Variants in FOXP1 observed in about 807,000 individuals in gnomAD.
FOXP1 encodes forkhead box protein P1.
In FOXP1, 15 loss-of-function variants were observed where a neutral mutation model predicts 98.2. The ratio of observed to expected loss-of-function variants is 0.15; its 90% confidence interval spans 0.10 to 0.24. FOXP1 has a LOEUF of 0.24. Ranked by LOEUF, FOXP1 falls within the 10% of genes least tolerant of loss-of-function variation. The probability of loss-of-function intolerance (pLI) is 1.00; values close to 1 mark genes in which losing one functional copy is unlikely to be tolerated. For missense variants in FOXP1, 633 were observed against 848.5 expected (o/e 0.75, Z 3.15); for synonymous variants, 371 against 314.5 (o/e 1.18, Z -1.90).
At chr3:71,276,679 A>G (rs1208081587) in intron 5 of FOXP1, among the ~76,000 whole-genome samples, 1 of 152,204 alleles carries the variant, frequency 6.6e-6, no homozygotes, top group Non-Finnish European at 1.5e-5. Flanking sequence ...GTGTTTCAGT[A>G]CACATAATGC....
chr3:71,027,099 A>C (rs574026455), intron 11 of FOXP1, among the ~76,000 whole-genome samples: 1 of 152,346 alleles, frequency 6.6e-6, no homozygotes, highest in South Asian at 2.1e-4. Flanking sequence ...CAACTGTGTC[A>C]ATACAGACAT....
chr3:71,381,311 C>T (rs778220570), intron 3 of FOXP1, among the ~76,000 whole-genome samples: 31 of 151,968 alleles, frequency 2.0e-4, no homozygotes, highest in Non-Finnish European at 4.1e-4. Context: ...CCACCGCGCC[C>T]GGCTAATTTT....
intron 6 of FOXP1, among the ~76,000 whole-genome samples, chr3:71,142,502 C>T (rs1477611740): frequency 6.6e-6 from 1 of 152,180 alleles, no homozygotes; most frequent in African/African-American, 2.4e-5. Flanking sequence ...TTCTGAAGCA[C>T]AAGAAAGACT....
chr3:71,231,449 A>T (rs545842553), intron 5 of FOXP1, among the ~76,000 whole-genome samples: 1 of 152,314 alleles, frequency 6.6e-6, no homozygotes, highest in African/African-American at 2.4e-5. Context: ...AAAAAAAAAT[A>T]GGAGAGATTT....
rs572434105 is a variant in FOXP1, at chr3:70,987,895, C to T, written c.1146+99G>A. ...AGGCCCTCAAAACTCAAAGCTCCAC[C>T]AAAGTAGGCTGGTCCTCCTTCCTCC... is the stretch of plus-strand genomic sequence containing the variant. On this transcript the variant is annotated intron_variant, in intron 14 of 20. Coordinates refer to ENST00000649528, the MANE Select transcript of FOXP1 (RefSeq NM_001349338.3). The T allele has an allele frequency of 3.0e-5, 33 of 1,091,440 alleles. No homozygotes were observed. The South Asian group carries it at 4.3e-4, about 14-fold the overall frequency. The allele number at this position is 1,091,440 out of a possible 1,614,324, so 67.6% of individuals were successfully genotyped here. A position where few individuals can be genotyped will look rare whatever the true frequency, so the allele number is the denominator to read the frequency against.
intron 3 of FOXP1, among the ~76,000 whole-genome samples, chr3:71,488,856 T>G (rs551367210): frequency 1.3e-5 from 2 of 152,368 alleles, no homozygotes; most frequent in Admixed American, 1.3e-4. Flanking sequence ...AGGTTCATTG[T>G]GTTATGAAAG....
chr3:70,978,116 T>C, intron 14 of FOXP1, 87 bp from the exon 15 acceptor site: 1 of 1,072,398 alleles, frequency 9.3e-7, no homozygotes, highest in Non-Finnish European at 1.4e-6. Context: ...ACACAGAGGA[T>C]GCGTGGGCAC....
intron 4 of FOXP1, among the ~76,000 whole-genome samples, chr3:71,344,686 A>G (rs2077217020): frequency 2.6e-5 from 4 of 152,096 alleles, no homozygotes; most frequent in Admixed American, 2.6e-4. Context: ...AAAATACAAA[A>G]AAATTAGCCA....
intron 4 of FOXP1, among the ~76,000 whole-genome samples, chr3:71,317,419 C>G (rs1428640810): frequency 1.3e-5 from 2 of 151,406 alleles, no homozygotes; most frequent in African/African-American, 4.9e-5. Flanking sequence ...GCTCTGGAGA[C>G]AAAGACGTTT....
intron 3 of FOXP1, among the ~76,000 whole-genome samples, chr3:71,361,393 CA>C (rs1455893328): frequency 6.6e-6 from 1 of 152,178 alleles, no homozygotes; most frequent in Non-Finnish European, 1.5e-5. Flanking sequence ...GTGGACTCCT[CA>C]AGGAACAGTC....
At chr3:71,335,833 C>G (rs1474673322) in intron 4 of FOXP1, among the ~76,000 whole-genome samples, 5 of 151,628 alleles carry the variant, frequency 3.3e-5, no homozygotes, top group African/African-American at 1.2e-4. Flanking sequence ...GGTGAAACCC[C>G]GTCTCTACAA....
intron 6 of FOXP1, among the ~76,000 whole-genome samples, chr3:71,168,064 G>C (rs2061475497): frequency 6.6e-6 from 1 of 152,102 alleles, no homozygotes; most frequent in South Asian, 2.1e-4. Flanking sequence ...TTTATTGATA[G>C]AGGTTTGTTA....
chr3:71,558,091 C>A (rs1398183395), intron 2 of FOXP1, among the ~76,000 whole-genome samples: 1 of 152,234 alleles, frequency 6.6e-6, no homozygotes, highest in African/African-American at 2.4e-5. Context: ...CCACCACACC[C>A]AGCAAACCTG....
At chr3:71,461,767 T>C (rs2088143441) in intron 3 of FOXP1, among the ~76,000 whole-genome samples, 1 of 150,508 alleles carries the variant, frequency 6.6e-6, no homozygotes, top group South Asian at 2.1e-4. Flanking sequence ...GCCACTGCAC[T>C]CCAGCCTGGG....
chr3:71,353,256 G>C (rs2077917182), intron 4 of FOXP1, among the ~76,000 whole-genome samples: 1 of 152,156 alleles, frequency 6.6e-6, no homozygotes, highest in Non-Finnish European at 1.5e-5. Context: ...CAGGCACCAG[G>C]GTATTGAGAA....
chr3:71,131,758 T>C (rs1255327381), intron 6 of FOXP1, among the ~76,000 whole-genome samples: 1 of 152,122 alleles, frequency 6.6e-6, no homozygotes, highest in African/African-American at 2.4e-5. Context: ...CTAAAGCTTA[T>C]AAAAATGAAG....
intron 2 of FOXP1, among the ~76,000 whole-genome samples, chr3:71,500,577 A>G: frequency 6.6e-6 from 1 of 152,130 alleles, no homozygotes; most frequent in East Asian, 1.9e-4. Flanking sequence ...TCTCTCCACC[A>G]TCTTCCACTA....
chr3:71,105,899 CT>C (rs1049195103), intron 7 of FOXP1, among the ~76,000 whole-genome samples: 1 of 151,868 alleles, frequency 6.6e-6, no homozygotes, highest in African/African-American at 2.4e-5. Context: ...TTTCAGCTGT[CT>C]TTTTTTTGCT....
intron 7 of FOXP1, among the ~76,000 whole-genome samples, chr3:71,099,022 C>A (rs979101605): frequency 6.6e-6 from 1 of 152,148 alleles, no homozygotes; most frequent in East Asian, 1.9e-4. Flanking sequence ...ATAACAACAC[C>A]ATGGGATAAA....
Sources: allele counts gnomAD v4.1 joint callset (sites outside exome capture counted in the v4.1 genomes callset), GRCh38; gene constraint gnomAD v4.1.1; transcripts MANE v1.5; gene names NCBI Gene and HGNC (gene_info 2026-07-23, HGNC 2026-07-21).